Variants in SYN2 observed in about 807,000 individuals in gnomAD.
SYN2 encodes synapsin II, also known as synapsin-2.
Under a neutral mutation model 50.9 loss-of-function variants are expected in SYN2, and 19 were observed. The ratio of observed to expected loss-of-function variants is 0.37; its 90% CI spans 0.26 to 0.55. SYN2 has a LOEUF of 0.55. Ranked by LOEUF, SYN2 falls within the 20% of genes least tolerant of loss-of-function variation. The pLI is 0.81. For missense variants in SYN2, 587 were observed against 576.4 expected (o/e 1.02, Z -0.19); for synonymous variants, 255 against 224.9 (o/e 1.13, Z -1.20).
At chr3:12,178,070 C>T (rs1214866876) in intron 10 of SYN2, among the ~76,000 whole-genome samples, 2 of 152,234 alleles carry the variant, frequency 1.3e-5, no homozygotes, top group African/African-American at 4.8e-5. Flanking sequence ...GTCCCCTTTG[C>T]ACCGACTAAA....
chr3:12,158,341 A>G (rs955583590), intron 5 of SYN2, among the ~76,000 whole-genome samples: 8 of 152,184 alleles, frequency 5.3e-5, no homozygotes, highest in African/African-American at 1.7e-4. Context: ...AGACACGGGT[A>G]GTTACAATGC....
In SYN2 at chr3:12,057,246, C is replaced by T. The variant is rs189597989; in HGVS notation, c.377+52318C>T. On this transcript the variant is annotated intron_variant, in intron 1 of 12. Transcript: ENST00000621198. ...GGCAGAGGTTTCAGTGAGCCAAGAT[C>T]GTGCCACTGCACTCCAACCTGGGCG... 1.7e-3 allele frequency among the ~76,000 whole-genome samples: 259 copies of T among 151,488 alleles called. 2 individuals are homozygous for T. Among genetic ancestry groups the T allele is most frequent in the African/African-American group, 6.1e-3 (250 of 41,224 alleles).
intron 5 of SYN2, chr3:12,157,374 C>T: frequency 1.2e-6 from 2 of 1,613,060 alleles, no homozygotes; most frequent in Non-Finnish European, 1.7e-6. Flanking sequence ...TCCCAGCCTG[C>T]CCCCATGTAC....
intron 2 of SYN2, 108 bp downstream of exon 2, chr3:12,140,816 G>A: frequency 1.4e-6 from 1 of 706,700 alleles, no homozygotes; most frequent in African/African-American, 1.8e-5. Flanking sequence ...TCCATCATTG[G>A]GTTCTGGACT....
At chr3:12,155,162 C>T (rs897928781) in intron 5 of SYN2, among the ~76,000 whole-genome samples, 1 of 152,132 alleles carries the variant, frequency 6.6e-6, no homozygotes, top group Non-Finnish European at 1.5e-5. Flanking sequence ...GAACCTCAGT[C>T]GCTCAATCAT....
intron 1 of SYN2, among the ~76,000 whole-genome samples, chr3:12,075,406 T>G (rs368291552): frequency 2.0e-5 from 3 of 152,156 alleles, no homozygotes; most frequent in East Asian, 1.9e-4. Context: ...TTATTCTATT[T>G]GGAGGAAAAT....
chr3:12,139,401 A>G (rs1696966704), intron 1 of SYN2, among the ~76,000 whole-genome samples: 1 of 152,172 alleles, frequency 6.6e-6, no homozygotes. Context: ...GTGAGCAGAG[A>G]TGGAGAGAAT....
chr3:12,045,709 C>T (rs1455766204), intron 1 of SYN2, among the ~76,000 whole-genome samples: 4 of 152,148 alleles, frequency 2.6e-5, no homozygotes, highest in Non-Finnish European at 4.4e-5. Flanking sequence ...CAATCTCCAC[C>T]TCAGTGCTCA....
intron 1 of SYN2, among the ~76,000 whole-genome samples, chr3:12,028,827 G>C (rs1315919344): frequency 6.9e-6 from 1 of 144,426 alleles, no homozygotes; most frequent in Non-Finnish European, 1.5e-5. Flanking sequence ...GTTGTAGGTT[G>C]CCTGTTCACT....
intron 1 of SYN2, among the ~76,000 whole-genome samples, chr3:12,100,751 T>C (rs1276432360): frequency 6.6e-6 from 1 of 151,906 alleles, no homozygotes; most frequent in Non-Finnish European, 1.5e-5. Context: ...ACAGAATATA[T>C]AAAGAGCTCT....
chr3:12,070,272 G>A, intron 1 of SYN2: 1 of 481,788 alleles, frequency 2.1e-6, no homozygotes, highest in Admixed American at 2.4e-5. Context: ...TCTCCGGCAT[G>A]TACAAAGCTG....
At chr3:12,158,817 C>A in intron 5 of SYN2, 1 of 1,596,098 alleles carries the variant, frequency 6.3e-7, no homozygotes, top group South Asian at 1.1e-5. Context: ...CCCAGCTTGG[C>A]GCGGGCCGAG....
At chr3:12,020,797 G>A (rs574785985) in intron 1 of SYN2, among the ~76,000 whole-genome samples, 38 of 152,208 alleles carry the variant, frequency 2.5e-4, no homozygotes, top group South Asian at 8.3e-4. Flanking sequence ...GTGCTGTAAC[G>A]CGAGCACAAG....
intron 1 of SYN2, among the ~76,000 whole-genome samples, chr3:12,082,765 A>T (rs1349644410): frequency 6.6e-6 from 1 of 152,134 alleles, no homozygotes; most frequent in Non-Finnish European, 1.5e-5. Context: ...CTCTTTTATT[A>T]TACAGGAGAA....
At chr3:12,140,780 C>A (rs1488072842) in intron 2 of SYN2, 72 bp downstream of exon 2, 1 of 719,368 alleles carries the variant, frequency 1.4e-6, no homozygotes, top group Non-Finnish European at 2.6e-6. Context: ...AGTGAACCAT[C>A]TCGTTCTGCT....
At chr3:12,115,851 C>T (rs1420400868) in intron 1 of SYN2, among the ~76,000 whole-genome samples, 2 of 152,176 alleles carry the variant, frequency 1.3e-5, no homozygotes, top group Non-Finnish European at 2.9e-5. Flanking sequence ...TTGGCTTCCT[C>T]ACAGCAGGGT....
Position 12,004,960 on chromosome 3 carries a change from C to T in SYN2, c.377+32C>T, listed in dbSNP as rs527477708. On this transcript the variant is annotated intron_variant, in intron 1 of 12. Coordinates refer to ENST00000621198, the MANE Select transcript of SYN2 (RefSeq NM_133625.6). ...GCCGGGCGCCGCCGCCCTCGGGGGT[C>T]GGGGTCCGCCGGCAGCCGCAGGCCA... 1.0e-4 allele frequency: 50 copies of T among 476,392 alleles called. No individual in the cohort carries two copies. In the Admixed American group the frequency reaches 1.7e-3, roughly 16 times the overall value. 29.5% of individuals were successfully genotyped at this position (476,392 alleles called of 1,614,324 possible).
chr3:12,068,331 G>C (rs936865125), intron 1 of SYN2, among the ~76,000 whole-genome samples: 2 of 152,140 alleles, frequency 1.3e-5, no homozygotes, highest in Admixed American at 6.6e-5. Flanking sequence ...CCAGCTTCCA[G>C]TATTGCTCCT....
intron 1 of SYN2, among the ~76,000 whole-genome samples, chr3:12,116,609 A>T (rs536589377): frequency 6.6e-6 from 1 of 152,310 alleles, no homozygotes; most frequent in South Asian, 2.1e-4. Context: ...TGTTTTGTGG[A>T]GAACGAGGGG....
Sources: gnomAD v4.1 joint callset for allele counts (sites outside exome capture counted in the v4.1 genomes callset) on GRCh38, gnomAD v4.1.1 for gene constraint, MANE v1.5 for transcripts, NCBI Gene and HGNC (gene_info 2026-07-23, HGNC 2026-07-21) for gene names.